Variants in USP26 observed in about 807,000 individuals in gnomAD.
The protein encoded by USP26 is ubiquitin specific peptidase 26, also known as ubiquitin carboxyl-terminal hydrolase 26.
For missense variants in USP26, 649 were observed against 642.3 expected (o/e 1.01, Z -0.11); for synonymous variants, 236 against 240.6 (o/e 0.98, Z 0.18).
At chrX:133,045,140 A>G (rs781500943) in intron 5 of USP26, among the ~76,000 whole-genome samples, 59 of 111,322 alleles carry the variant, frequency 5.3e-4, no homozygotes, top group Middle Eastern at 4.6e-3. Flanking sequence ...GAATACACCA[A>G]TGAGCACTCT....
chrX:133,068,940 G>T (rs928326905), intron 5 of USP26, among the ~76,000 whole-genome samples: 1 of 112,253 alleles, frequency 8.9e-6, no homozygotes, highest in African/African-American at 3.2e-5. Flanking sequence ...TATCAATAGA[G>T]TGCTTACTGT....
intron 4 of USP26, among the ~76,000 whole-genome samples, chrX:133,084,978 G>C (rs1207066012): frequency 1.8e-5 from 2 of 111,204 alleles, no homozygotes; most frequent in Non-Finnish European, 3.8e-5. Flanking sequence ...ACCCAGGCTG[G>C]AATACAGTGG....
chrX:133,046,182 C>T (rs1291444575), intron 5 of USP26, among the ~76,000 whole-genome samples: 5 of 111,548 alleles, frequency 4.5e-5, no homozygotes, highest in Admixed American at 1.9e-4. Context: ...TGGCCTCACA[C>T]GACACAAGAG....
intron 5 of USP26, among the ~76,000 whole-genome samples, chrX:133,083,307 A>G (rs762071834): frequency 4.4e-5 from 5 of 112,532 alleles, no homozygotes; most frequent in African/African-American, 1.6e-4. Context: ...CGTAATGGCC[A>G]AAAATGAGAG....
intron 5 of USP26, among the ~76,000 whole-genome samples, chrX:133,050,770 A>G (rs1241245146): frequency 7.2e-5 from 8 of 111,468 alleles, no homozygotes; most frequent in Admixed American, 6.7e-4. Flanking sequence ...TCCTTCACTG[A>G]CCCTATTTTA....
chrX:133,080,326 A>C (rs1017487212), intron 5 of USP26, among the ~76,000 whole-genome samples: 54 of 111,576 alleles, frequency 4.8e-4, no homozygotes, highest in Non-Finnish European at 7.1e-4. Context: ...AGAAAAAGAC[A>C]CTGACAAATG....
At chrX:133,034,861 A>C (rs1244313031) in intron 5 of USP26, among the ~76,000 whole-genome samples, 1 of 97,827 alleles carries the variant, frequency 1.0e-5, no homozygotes, top group Non-Finnish European at 2.0e-5. Context: ...TGTCTCTTAC[A>C]AAAAAAAAAA....
chrX:133,025,227 TGAA>T lies in USP26; in HGVS notation c.*249_*251del, dbSNP rs747697158. On this transcript the variant is annotated 3_prime_UTR_variant, in exon 6 of 6. Transcript: ENST00000511190. ...GAGCAAGACCCTGACTATATTAAAATGAAGAAGAACATGAAAAACACAATTTCA... is the reference window on the plus strand; with the variant it reads ...GAGCAAGACCCTGACTATATTAAAATGAAGAACATGAAAAACACAATTTCA... The T allele has an allele frequency of 2.5e-6, 1 of 404,110 alleles. No individual in the cohort carries two copies. Among genetic ancestry groups the T allele is most frequent in the Non-Finnish European group, 4.2e-6 (1 of 236,135 alleles). 33.3% of individuals were successfully genotyped at this position (404,110 alleles called of 1,213,427 possible).
At chrX:133,089,018 TC>T (rs759157806) in intron 4 of USP26, among the ~76,000 whole-genome samples, 6 of 109,955 alleles carry the variant, frequency 5.5e-5, no homozygotes, top group Non-Finnish European at 3.8e-5. Flanking sequence ...ATTTCCACCT[TC>T]CATGGTTTAA....
In USP26 at chrX:133,027,540, T is replaced by C; in HGVS notation, c.681A>G (p.Leu227=). Residue 227 remains leucine, a synonymous_variant, in exon 6 of 6, where the codon TTA becomes TTG. Coordinates refer to ENST00000511190, the MANE Select transcript of USP26 (RefSeq NM_031907.3). ...NREKQLKLKE[L]EENKKLECES... is the part of the protein sequence containing the mutation. ...CACATTCCAATTTCTTATTCTCTTC[T>C]AACTCTTTTAACTTCAATTGTTTCT... The C allele has an allele frequency of 3.3e-6, 4 of 1,209,264 alleles. No individual in the cohort carries two copies. The highest frequency in any genetic ancestry group is 3.5e-5 in the South Asian group (2 of 56,716).
chrX:133,025,353 T>C lies in USP26; in HGVS notation c.*126A>G, dbSNP rs1005828156. The stretch of plus-strand genomic sequence containing the variant: ...AGATCTCCCCATTAAGTGTTTCTGT[T>C]TGACCTTTGGTCCTAGACTAATTGC... On this transcript the variant is annotated 3_prime_UTR_variant, in exon 6 of 6. Coordinates refer to ENST00000511190, the MANE Select transcript of USP26 (RefSeq NM_031907.3). The C allele has an allele frequency of 3.4e-5, 36 of 1,068,451 alleles. No homozygotes were observed. The Admixed American group carries it at 9.1e-4, about 27-fold the overall frequency. 88.1% of individuals were successfully genotyped at this position (1,068,451 alleles called of 1,213,427 possible).
intron 5 of USP26, among the ~76,000 whole-genome samples, chrX:133,067,204 T>A (rs1185797273): frequency 8.9e-6 from 1 of 112,483 alleles, no homozygotes; most frequent in Non-Finnish European, 1.9e-5. Flanking sequence ...AGAATGGCAA[T>A]CTTTAAAAAG....
chrX:133,068,434 G>T (rs2067519578), intron 5 of USP26, among the ~76,000 whole-genome samples: 1 of 112,266 alleles, frequency 8.9e-6, no homozygotes, highest in Non-Finnish European at 1.9e-5. Flanking sequence ...ATATCAAGAA[G>T]AAATGTTAAA....
intron 5 of USP26, among the ~76,000 whole-genome samples, chrX:133,036,940 T>A (rs1289697289): frequency 4.4e-5 from 5 of 112,857 alleles, no homozygotes; most frequent in Non-Finnish European, 9.4e-5. Flanking sequence ...GATGACAAGC[T>A]TTTATTCATA....
At chrX:133,057,874 T>A (rs865787722) in intron 5 of USP26, among the ~76,000 whole-genome samples, 61 of 20,687 alleles carry the variant, frequency 2.9e-3, no homozygotes, top group South Asian at 6.3e-3. Flanking sequence ...ATATTTTTTT[T>A]TTTTTTTTTT....
intron 5 of USP26, among the ~76,000 whole-genome samples, chrX:133,047,038 C>T (rs1003862230): frequency 4.5e-5 from 5 of 111,995 alleles, no homozygotes; most frequent in Non-Finnish European, 9.4e-5. Context: ...CTACAGAAAG[C>T]GCCCAGCAGC....
chrX:133,068,071 A>G (rs2067518225), intron 5 of USP26, among the ~76,000 whole-genome samples: 1 of 112,474 alleles, frequency 8.9e-6, no homozygotes, highest in South Asian at 3.7e-4. Flanking sequence ...CTATGTAACC[A>G]TAAAAAAGAA....
chrX:133,044,052 G>C (rs2067428793), intron 5 of USP26, among the ~76,000 whole-genome samples: 4 of 112,565 alleles, frequency 3.6e-5, no homozygotes, highest in Admixed American at 2.8e-4. Context: ...TCAGGCACTT[G>C]ACCTTTGAAG....
At chrX:133,076,331 T>G (rs1403140555) in intron 5 of USP26, among the ~76,000 whole-genome samples, 2 of 111,123 alleles carry the variant, frequency 1.8e-5, no homozygotes, top group Admixed American at 1.9e-4. Flanking sequence ...ACTCTTTGAG[T>G]TCATAAGATT....
Sources: gnomAD v4.1 joint callset for allele counts (sites outside exome capture counted in the v4.1 genomes callset) on GRCh38, gnomAD v4.1.1 for gene constraint, MANE v1.5 for transcripts, NCBI Gene and HGNC (gene_info 2026-07-23, HGNC 2026-07-21) for gene names.